Variants in IMMP2L observed in about 807,000 individuals in gnomAD.
IMMP2L encodes the protein inner mitochondrial membrane peptidase subunit 2.
IMMP2L carries 18 observed loss-of-function variants against 19.3 expected under a neutral mutation model. That is an observed-to-expected ratio of 0.93 (90% confidence interval 0.64 to 1.38). The LOEUF (loss-of-function observed/expected upper bound fraction) is 1.38, where lower values mean the gene tolerates loss of function less well. IMMP2L is among the 40% of genes most tolerant of loss of function. The pLI is 0.00. For synonymous variants in IMMP2L, 76 were observed against 73.0 expected, an observed-to-expected ratio of 1.04 and a Z score of -0.21; for missense variants, 233 against 218.2, an observed-to-expected ratio of 1.07 and a Z score of -0.43.
At chr7:111,267,451 G>A (rs1003670236) in intron 3 of IMMP2L, among the ~76,000 whole-genome samples, 2 of 152,040 alleles carry the variant, frequency 1.3e-5, no homozygotes, top group African/African-American at 4.8e-5. Flanking sequence ...GCAGGGTGAT[G>A]GGAACTTCAT....
intron 3 of IMMP2L, among the ~76,000 whole-genome samples, chr7:111,432,002 GT>G (rs1167264798): frequency 6.6e-6 from 1 of 151,810 alleles, no homozygotes; most frequent in Non-Finnish European, 1.5e-5. Flanking sequence ...AACCACTCCA[GT>G]AAATTAATTG....
intron 3 of IMMP2L, among the ~76,000 whole-genome samples, chr7:111,104,774 A>C (rs1258256387): frequency 6.6e-6 from 1 of 151,850 alleles, no homozygotes; most frequent in African/African-American, 2.4e-5. Flanking sequence ...TTCCTATCAA[A>C]TTAAAAATAT....
intron 3 of IMMP2L, among the ~76,000 whole-genome samples, chr7:111,237,354 T>C (rs1299507286): frequency 6.6e-6 from 1 of 152,120 alleles, no homozygotes; most frequent in Non-Finnish European, 1.5e-5. Context: ...TGTCCTGTTT[T>C]GATTTACTGG....
chr7:110,853,333 AC>A (rs1429831743), intron 5 of IMMP2L, among the ~76,000 whole-genome samples: 1 of 152,038 alleles, frequency 6.6e-6, no homozygotes, highest in East Asian at 1.9e-4. Context: ...AGAAAAAAAA[AC>A]CTTAGCTTTT....
chr7:111,109,722 G>A (rs1798970594), intron 3 of IMMP2L, among the ~76,000 whole-genome samples: 1 of 152,150 alleles, frequency 6.6e-6, no homozygotes, highest in Admixed American at 6.5e-5. Context: ...GGTCATATAT[G>A]AAAATTGAAC....
intron 3 of IMMP2L, among the ~76,000 whole-genome samples, chr7:111,336,401 T>C (rs1826412536): frequency 6.6e-6 from 1 of 151,966 alleles, no homozygotes; most frequent in African/African-American, 2.4e-5. Flanking sequence ...ATTATGTGTT[T>C]AAAATGTTTT....
chr7:110,772,562 A>G (rs1407742008), intron 5 of IMMP2L, among the ~76,000 whole-genome samples: 6 of 152,146 alleles, frequency 3.9e-5, no homozygotes, highest in Non-Finnish European at 8.8e-5. Context: ...AATGAGTGTG[A>G]TGCTGAGGAG....
chr7:111,018,790 ATT>A (rs1825968080), intron 3 of IMMP2L, among the ~76,000 whole-genome samples: 4 of 6,632 alleles, frequency 6.0e-4, no homozygotes, highest in East Asian at 4.8e-3. Flanking sequence ...GTGTCTTTTT[ATT>A]ATTATTATTA....
At chr7:110,697,519 C>A (rs539886747) in intron 5 of IMMP2L, among the ~76,000 whole-genome samples, 1 of 152,130 alleles carries the variant, frequency 6.6e-6, no homozygotes, top group Non-Finnish European at 1.5e-5. Flanking sequence ...AGAAAGAATT[C>A]TTGGCTTGTC....
intron 4 of IMMP2L, among the ~76,000 whole-genome samples, chr7:110,899,675 T>G (rs1019513211): frequency 6.6e-6 from 1 of 152,142 alleles, no homozygotes; most frequent in Non-Finnish European, 1.5e-5. Context: ...GATCTATTTT[T>G]CTTTCTCAAT....
intron 3 of IMMP2L, among the ~76,000 whole-genome samples, chr7:111,480,597 C>CAAAAAAAAAAAAAAAAA (rs925037556): frequency 1.8e-5 from 1 of 55,054 alleles, no homozygotes; most frequent in Non-Finnish European, 4.3e-5. Context: ...ATTTTACTGT[C>CAAAAAAAAAAAAAAAAA]AAAAAAAAAA....
chr7:111,080,709 T>C (rs1795820994), intron 3 of IMMP2L, among the ~76,000 whole-genome samples: 1 of 152,184 alleles, frequency 6.6e-6, no homozygotes, highest in Admixed American at 6.5e-5. Context: ...GACTTTGTTG[T>C]ATTTTTCTCA....
intron 1 of IMMP2L, among the ~76,000 whole-genome samples, chr7:111,538,082 T>C (rs893765770): frequency 6.6e-6 from 1 of 152,112 alleles, no homozygotes; most frequent in African/African-American, 2.4e-5. Flanking sequence ...CCCATAAAAC[T>C]CTATGCTCCC....
intron 3 of IMMP2L, among the ~76,000 whole-genome samples, chr7:111,045,366 C>T (rs1411320543): frequency 6.6e-6 from 1 of 152,194 alleles, no homozygotes; most frequent in African/African-American, 2.4e-5. Flanking sequence ...TACCCTTTCT[C>T]ATCTGGATTC....
At chr7:111,083,117 G>A (rs1441240508) in intron 3 of IMMP2L, among the ~76,000 whole-genome samples, 2 of 152,072 alleles carry the variant, frequency 1.3e-5, no homozygotes, top group African/African-American at 4.8e-5. Flanking sequence ...TACCAATGTT[G>A]AAGTTTTATG....
chr7:110,791,800 C>T (rs1054450338), intron 5 of IMMP2L, among the ~76,000 whole-genome samples: 1 of 151,806 alleles, frequency 6.6e-6, no homozygotes, highest in Non-Finnish European at 1.5e-5. Context: ...ATGTGTCCAG[C>T]AGACAGGAGC....
intron 1 of IMMP2L, among the ~76,000 whole-genome samples, chr7:111,532,101 TAAAA>T: frequency 6.6e-6 from 1 of 151,868 alleles, no homozygotes; most frequent in South Asian, 2.1e-4. Context: ...ACTCAGAACC[TAAAA>T]AAAGAAGGGT....
chr7:111,188,754 C>T (rs536964548), intron 3 of IMMP2L, among the ~76,000 whole-genome samples: 1 of 152,148 alleles, frequency 6.6e-6, no homozygotes, highest in South Asian at 2.1e-4. Context: ...TGGAAGGGGA[C>T]CCAGAGAGTG....
At chr7:110,991,996 TCC>T (rs1348478916) in intron 3 of IMMP2L, among the ~76,000 whole-genome samples, 2 of 152,174 alleles carry the variant, frequency 1.3e-5, no homozygotes, top group East Asian at 3.9e-4. Context: ...TTCTTAAGCA[TCC>T]TCTCTTTAAA....
Sources: allele counts gnomAD v4.1 joint callset (sites outside exome capture counted in the v4.1 genomes callset), GRCh38; gene constraint gnomAD v4.1.1; transcripts MANE v1.5; gene names NCBI Gene and HGNC (gene_info 2026-07-23, HGNC 2026-07-21).